Variants in CHST15 observed in about 807,000 individuals in gnomAD.
CHST15 encodes the protein carbohydrate sulfotransferase 15.
A neutral mutation model predicts 53.6 loss-of-function variants in CHST15; 30 were observed. That is an observed-to-expected ratio of 0.56 (90% CI 0.42 to 0.76). The LOEUF is 0.76. Ranked by LOEUF, CHST15 falls within the 30% of genes least tolerant of loss-of-function variation. The probability of loss-of-function intolerance (pLI) is 0.00; values close to 1 mark genes in which losing one functional copy is unlikely to be tolerated. For missense variants in CHST15, 627 were observed against 740.5 expected (o/e 0.85, Z 1.78); for synonymous variants, 296 against 289.8 (o/e 1.02, Z -0.22).
intron 6 of CHST15, among the ~76,000 whole-genome samples, chr10:124,016,697 A>G (rs1946596516): frequency 6.6e-6 from 1 of 152,094 alleles, no homozygotes; most frequent in Non-Finnish European, 1.5e-5. Flanking sequence ...TGGATGGGAG[A>G]ACTAACCTCT....
intron 1 of CHST15, among the ~76,000 whole-genome samples, chr10:124,084,532 G>A (rs773754381): frequency 2.6e-5 from 4 of 152,000 alleles, no homozygotes; most frequent in Non-Finnish European, 4.4e-5. Context: ...AACAGGCCGA[G>A]GCCAGACCAG....
At chr10:124,071,271 A>T (rs1217716877) in intron 1 of CHST15, among the ~76,000 whole-genome samples, 1 of 152,200 alleles carries the variant, frequency 6.6e-6, no homozygotes, top group Non-Finnish European at 1.5e-5. Context: ...TGGGCAAAGT[A>T]CCCAAGGAGA....
chr10:124,060,377 C>T (rs748789640), intron 1 of CHST15, among the ~76,000 whole-genome samples: 11 of 148,802 alleles, frequency 7.4e-5, no homozygotes, highest in African/African-American at 1.5e-4. Flanking sequence ...CCCGAATGTG[C>T]GAAGGTGTGC....
intron 5 of CHST15, among the ~76,000 whole-genome samples, chr10:124,026,180 A>T (rs556292523): frequency 4.5e-4 from 69 of 152,342 alleles, no homozygotes; most frequent in African/African-American, 1.5e-3. Context: ...CCCAGAAGGA[A>T]GCATGAAGGA....
rs57594474 is a variant in CHST15, at chr10:124,062,011, T to TA, written c.-512-15288dup. On this transcript the variant is annotated intron_variant, in intron 1 of 7. Coordinates refer to ENST00000435907, the MANE Select transcript of CHST15 (RefSeq NM_001270764.2). Reference sequence around the variant, plus strand: ...TTCCTCCAGACATACTATAAATCATTAAAAAAAAAAAAAAAACCCTTCTAT... The same window carrying TA: ...TTCCTCCAGACATACTATAAATCATTAAAAAAAAAAAAAAAAACCCTTCTAT... 8.1e-3 allele frequency among the ~76,000 whole-genome samples: 1,154 copies of TA among 142,174 alleles called. 10 individuals are homozygous for TA. Among genetic ancestry groups the TA allele is most frequent in the Admixed American group, 0.031 (441 of 14,276 alleles). The allele number at this position is 142,174 out of a possible 152,430, so 93.3% of individuals were successfully genotyped here. A position where few individuals can be genotyped will look rare whatever the true frequency, so the allele number is the denominator to read the frequency against.
intron 1 of CHST15, among the ~76,000 whole-genome samples, chr10:124,080,161 G>T (rs1355038604): frequency 6.6e-6 from 1 of 152,216 alleles, no homozygotes; most frequent in Non-Finnish European, 1.5e-5. Flanking sequence ...CCAGAGACGG[G>T]ACGGGGAGAA....
chr10:124,079,332 T>C lies in CHST15; in HGVS notation c.-513+14137A>G, dbSNP rs77558582. ...AGACCAGAAAGAGATTTAAAGTTTATGAAAATAACTGATGACACAATCCGT... is the reference window on the plus strand; with the variant it reads ...AGACCAGAAAGAGATTTAAAGTTTACGAAAATAACTGATGACACAATCCGT... On this transcript the variant is annotated intron_variant, in intron 1 of 7. Coordinates refer to ENST00000435907, the MANE Select transcript of CHST15 (RefSeq NM_001270764.2). Among the ~76,000 whole-genome samples the C allele has an allele frequency of 7.1e-3, 1,079 of 152,332 alleles. 3 individuals carry two copies. Among genetic ancestry groups the C allele is most frequent in the Non-Finnish European group, 0.011 (725 of 68,020 alleles).
In CHST15 at chr10:124,044,661, G is replaced by T; in HGVS notation, c.805C>A (p.Leu269Ile). 1 of 1,612,926 alleles carries T rather than the reference G, an allele frequency of 6.2e-7. No homozygotes were observed. Among genetic ancestry groups the T allele is most frequent in the Non-Finnish European group, 8.5e-7 (1 of 1,179,400 alleles). ...GGGTGCAGCCGCAGGCGGTCATAGA[G>T]GTCTGTGGTCCCGCACTTGGGCTGC... is the stretch of plus-strand genomic sequence containing the variant. Reference protein sequence around the residue: ...IGQPKCGTTDLYDRLRLHPEV... With the variant: ...IGQPKCGTTDIYDRLRLHPEV... The change falls in exon 3 of 8, where the codon CTC becomes ATC. Residue 269 changes from leucine to isoleucine, a missense_variant. Leu to Ile is a conservative substitution (Grantham distance 5). Around this residue, in one of 3 missense-constraint regions of CHST15, gnomAD observed 161 missense variants for 117.2 expected, o/e 1.37. Coordinates refer to ENST00000435907, the MANE Select transcript of CHST15 (RefSeq NM_001270764.2).
chr10:124,020,259 G>A (rs1195819668), intron 6 of CHST15: 4 of 985,430 alleles, frequency 4.1e-6, no homozygotes, highest in East Asian at 1.1e-4. Flanking sequence ...GAAAGGCTGA[G>A]ACAACTGCCT....
At chr10:124,085,832 C>T (rs905275053) in intron 1 of CHST15, among the ~76,000 whole-genome samples, 2 of 152,114 alleles carry the variant, frequency 1.3e-5, no homozygotes, top group African/African-American at 2.4e-5. Context: ...GACTGGCAAA[C>T]GCTTCCTGAA....
intron 1 of CHST15, among the ~76,000 whole-genome samples, chr10:124,066,283 G>A (rs1047664302): frequency 1.3e-5 from 2 of 152,100 alleles, no homozygotes; most frequent in Non-Finnish European, 2.9e-5. Flanking sequence ...GGAGGAGGCT[G>A]AAATGGAAAG....
intron 6 of CHST15, among the ~76,000 whole-genome samples, chr10:124,017,816 G>A (rs1241940052): frequency 1.3e-5 from 2 of 152,088 alleles, no homozygotes; most frequent in African/African-American, 2.4e-5. Context: ...CTGTGTTAAG[G>A]TGTAGTGCCA....
At chr10:124,016,274 T>C (rs1305892577) in intron 6 of CHST15, among the ~76,000 whole-genome samples, 1 of 151,892 alleles carries the variant, frequency 6.6e-6, no homozygotes, top group Non-Finnish European at 1.5e-5. Context: ...GGGCCCAGGG[T>C]GCCTTACAAA....
chr10:124,038,923 T>G (rs1426097900), intron 4 of CHST15, among the ~76,000 whole-genome samples: 1 of 151,182 alleles, frequency 6.6e-6, no homozygotes, highest in African/African-American at 2.4e-5. Context: ...CAACACTGAG[T>G]GCCCCCACCC....
At chr10:124,015,029 C>T (rs548130498) in intron 6 of CHST15, among the ~76,000 whole-genome samples, 94 of 152,294 alleles carry the variant, frequency 6.2e-4, no homozygotes, top group African/African-American at 1.9e-3. Context: ...GCTAGCTCCC[C>T]TCCCGCTTTG....
At chr10:124,021,220 G>A in intron 6 of CHST15, 36 bp downstream of exon 6, 3 of 1,394,804 alleles carry the variant, frequency 2.2e-6, no homozygotes, top group Middle Eastern at 1.8e-4. Context: ...TCTGCCAGGG[G>A]CCAGCTCGGG....
In CHST15 at chr10:124,008,186, G is replaced by A. The variant is rs538433761; in HGVS notation, c.*1963C>T. The A allele has an allele frequency of 1.1e-5, 13 of 1,229,386 alleles. No individual in the cohort carries two copies. The East Asian group carries it at 3.8e-4, about 36-fold the overall frequency. 76.2% of individuals were successfully genotyped at this position (1,229,386 alleles called of 1,614,324 possible). ...GAGTGCATAAGAAAAATCCCTTGTT[G>A]TAATTATGGTTGGTGTGGAATAGTA... On this transcript the variant is annotated 3_prime_UTR_variant, in exon 8 of 8. Transcript: ENST00000435907.
rs773197230 is a variant in CHST15 at position 124,012,485 on chromosome 10, G to A, written c.1348-5C>T. The stretch of plus-strand genomic sequence containing the variant: ...GAGCCCAACCTGGAGCCTCACCTAG[G>A]ACCACAGAAGAAGGGCATTATTTCA... On this transcript the variant is annotated splice_region_variant and splice_polypyrimidine_tract_variant and intron_variant, in intron 6 of 7. Coordinates refer to ENST00000435907, the MANE Select transcript of CHST15 (RefSeq NM_001270764.2). 19 of 1,607,938 alleles carry A rather than the reference G, an allele frequency of 1.2e-5. No individual in the cohort carries two copies. In the South Asian group the frequency reaches 2.0e-4, roughly 17 times the overall value.
chr10:124,051,252 A>T (rs944982032), intron 1 of CHST15, among the ~76,000 whole-genome samples: 1 of 152,132 alleles, frequency 6.6e-6, no homozygotes, highest in Non-Finnish European at 1.5e-5. Flanking sequence ...CCTCAAAAGA[A>T]TTTTTACTAT....
Sources: gnomAD v4.1 joint callset for allele counts (sites outside exome capture counted in the v4.1 genomes callset) on GRCh38, gnomAD v4.1.1 for gene constraint, gnomAD v4.1.1 regional missense constraint, MANE v1.5 for transcripts, NCBI Gene and HGNC (gene_info 2026-07-23, HGNC 2026-07-21) for gene names.